Variants in DEPDC1B observed in about 807,000 individuals in gnomAD.
DEPDC1B encodes the protein DEP domain containing 1B, also known as DEP domain-containing protein 1B.
In DEPDC1B, 51 loss-of-function variants were observed where a neutral mutation model predicts 66.5. That is an observed-to-expected ratio of 0.77 (90% CI 0.61 to 0.97). The LOEUF (loss-of-function observed/expected upper bound fraction) is 0.97, where lower values mean the gene tolerates loss of function less well. DEPDC1B is among the 50% of genes least tolerant of loss of function. DEPDC1B has a pLI of 0.00. For synonymous variants in DEPDC1B, 226 were observed against 223.6 expected (o/e 1.01, Z -0.10); for missense variants, 552 against 637.1 (o/e 0.87, Z 1.44).
chr5:60,698,004 A>G (rs950088791), intron 1 of DEPDC1B, among the ~76,000 whole-genome samples: 1 of 152,214 alleles, frequency 6.6e-6, no homozygotes, highest in African/African-American at 2.4e-5. Context: ...ATATGAGACT[A>G]AAATACAATT....
intron 6 of DEPDC1B, among the ~76,000 whole-genome samples, chr5:60,641,601 C>G (rs1198064492): frequency 6.6e-6 from 1 of 152,154 alleles, no homozygotes; most frequent in Non-Finnish European, 1.5e-5. Context: ...GCCGGGATTA[C>G]AGGCGTGAGC....
At chr5:60,675,488 A>C (rs974573717) in intron 2 of DEPDC1B, among the ~76,000 whole-genome samples, 1 of 152,120 alleles carries the variant, frequency 6.6e-6, no homozygotes, top group African/African-American at 2.4e-5. Context: ...ATGTTTGAAG[A>C]ACTGTTCATT....
At chr5:60,676,120 C>T (rs1474038199) in intron 2 of DEPDC1B, among the ~76,000 whole-genome samples, 7 of 151,718 alleles carry the variant, frequency 4.6e-5, no homozygotes, top group African/African-American at 1.2e-4. Context: ...TTAGTAAAGA[C>T]GGGATTTCAC....
rs1243624946 is a variant in DEPDC1B, at chr5:60,668,055, G to C, written c.314+18907C>G. Among the ~76,000 whole-genome samples the C allele has an allele frequency of 3.5e-4, 27 of 76,376 alleles. 1 individual carries two copies. The highest frequency in any genetic ancestry group is 9.7e-4 in the Admixed American group (6 of 6,184). The allele number at this position is 76,376 out of a possible 152,430, so 50.1% of individuals were successfully genotyped here. A position where few individuals can be genotyped will look rare whatever the true frequency, so the allele number is the denominator to read the frequency against. The stretch of plus-strand genomic sequence containing the variant: ...GGATATTTTATATATATATAAAATG[G>C]ATATTTTATATATATATAAAATGGA... On this transcript the variant is annotated intron_variant, in intron 2 of 10. Coordinates refer to ENST00000265036, the MANE Select transcript of DEPDC1B (RefSeq NM_018369.3).
intron 9 of DEPDC1B, among the ~76,000 whole-genome samples, chr5:60,599,807 T>C (rs750182657): frequency 1.3e-5 from 2 of 152,236 alleles, no homozygotes; most frequent in African/African-American, 4.8e-5. Flanking sequence ...GGAATACTTT[T>C]AGTAAATCTT....
At chr5:60,650,501 C>G (rs1753424565) in intron 2 of DEPDC1B, among the ~76,000 whole-genome samples, 1 of 152,196 alleles carries the variant, frequency 6.6e-6, no homozygotes, top group African/African-American at 2.4e-5. Context: ...AACACACACA[C>G]CTGTTGTGAC....
rs541314460 is a variant in DEPDC1B at position 60,698,071 on chromosome 5, G to A, written c.48+1975C>T. Among the ~76,000 whole-genome samples the A allele has an allele frequency of 2.0e-5, 3 of 152,106 alleles. No homozygotes were observed. In the South Asian group the frequency reaches 6.2e-4, roughly 32 times the overall value. On this transcript the variant is annotated intron_variant, in intron 1 of 10. Coordinates refer to ENST00000265036, the MANE Select transcript of DEPDC1B (RefSeq NM_018369.3). ...TGCAGGAAGAATGAAGACTAGTCAC[G>A]TCAAGAACCACAGCCTTGCTATGTT...
At chr5:60,598,707 A>AATT (rs1164183673) in intron 10 of DEPDC1B, among the ~76,000 whole-genome samples, 1 of 152,210 alleles carries the variant, frequency 6.6e-6, no homozygotes, top group African/African-American at 2.4e-5. Flanking sequence ...ACACCTGTGA[A>AATT]TTCCATCTGA....
chr5:60,689,536 A>G (rs1165910704), intron 1 of DEPDC1B, among the ~76,000 whole-genome samples: 1 of 152,246 alleles, frequency 6.6e-6, no homozygotes, highest in Non-Finnish European at 1.5e-5. Flanking sequence ...GAATTTTAAC[A>G]AATCTATGTT....
intron 7 of DEPDC1B, among the ~76,000 whole-genome samples, chr5:60,620,021 C>G (rs909567271): frequency 7.2e-5 from 11 of 152,022 alleles, no homozygotes; most frequent in African/African-American, 2.2e-4. Flanking sequence ...ACAAACCTGA[C>G]AAAAACAAGA....
chr5:60,649,305 T>A (rs922233766), intron 2 of DEPDC1B, among the ~76,000 whole-genome samples: 9 of 152,206 alleles, frequency 5.9e-5, no homozygotes, highest in Non-Finnish European at 1.2e-4. Flanking sequence ...AAAAGTAGTA[T>A]CTTCCAAAGA....
At chr5:60,613,406 T>G (rs1752463638) in intron 7 of DEPDC1B, among the ~76,000 whole-genome samples, 1 of 152,168 alleles carries the variant, frequency 6.6e-6, no homozygotes, top group African/African-American at 2.4e-5. Context: ...CAACGAAGGT[T>G]TGAAAAGAGC....
intron 4 of DEPDC1B, 63 bp from the exon 5 acceptor site, chr5:60,644,938 G>A: frequency 7.8e-7 from 1 of 1,290,164 alleles, no homozygotes; most frequent in Non-Finnish European, 1.0e-6. Context: ...TCAAAAACCT[G>A]GTACTACAAA....
intron 2 of DEPDC1B, among the ~76,000 whole-genome samples, chr5:60,657,633 G>A (rs535894072): frequency 5.3e-5 from 8 of 152,266 alleles, no homozygotes; most frequent in African/African-American, 1.9e-4. Context: ...ATCCCTTCTA[G>A]CTTGCAGGGT....
chr5:60,699,312 C>T (rs192084121), intron 1 of DEPDC1B, among the ~76,000 whole-genome samples: 161 of 82,462 alleles, frequency 2.0e-3, no homozygotes, highest in African/African-American at 6.4e-3. Flanking sequence ...AGTTACTGTC[C>T]TCCCAAATTA....
chr5:60,697,042 T>C lies in DEPDC1B; in HGVS notation c.48+3004A>G, dbSNP rs1754671909. Among the ~76,000 whole-genome samples, 6 of 150,270 alleles carry C rather than the reference T, an allele frequency of 4.0e-5. No individual in the cohort carries two copies. In the South Asian group the frequency reaches 1.1e-3, roughly 27 times the overall value. ...AAAATTTATCAGTTGCATCAGACCA[T>C]ATATATAACTCAGAATAAGTTCAAA... On this transcript the variant is annotated intron_variant, in intron 1 of 10. Transcript: ENST00000265036.
intron 7 of DEPDC1B, among the ~76,000 whole-genome samples, chr5:60,616,563 G>A (rs1470348026): frequency 6.6e-6 from 1 of 152,186 alleles, no homozygotes; most frequent in Admixed American, 6.5e-5. Context: ...TCAAATGAAT[G>A]AAATGAAGCG....
In DEPDC1B at chr5:60,597,479, C is replaced by G. The variant is rs1752119709; in HGVS notation, c.*274G>C. On this transcript the variant is annotated 3_prime_UTR_variant, in exon 11 of 11. Coordinates refer to ENST00000265036, the MANE Select transcript of DEPDC1B (RefSeq NM_018369.3). Reference sequence around the variant, plus strand: ...AAAAGAAAGCACAGAGATAAAAATACCCTTAAATTCTGTAGCAATTACAAA... The same window carrying G: ...AAAAGAAAGCACAGAGATAAAAATAGCCTTAAATTCTGTAGCAATTACAAA... 3.6e-6 allele frequency: 1 copy of G among 277,268 alleles called. No homozygotes were observed. Among genetic ancestry groups the G allele is most frequent in the African/African-American group, 2.3e-5 (1 of 43,864 alleles). 17.2% of individuals were successfully genotyped at this position (277,268 alleles called of 1,614,324 possible).
intron 7 of DEPDC1B, among the ~76,000 whole-genome samples, chr5:60,607,386 A>AAACAGGAAG (rs1752332834): frequency 6.6e-6 from 1 of 152,200 alleles, no homozygotes; most frequent in Non-Finnish European, 1.5e-5. Flanking sequence ...TCATCTATGT[A>AAACAGGAAG]GACCTGTTTT....
Sources: allele counts gnomAD v4.1 joint callset (sites outside exome capture counted in the v4.1 genomes callset), GRCh38; gene constraint gnomAD v4.1.1; transcripts MANE v1.5; gene names NCBI Gene and HGNC (gene_info 2026-07-23, HGNC 2026-07-21).